CDK14: variants seen among roughly 807,000 people sequenced by gnomAD.
CDK14 encodes cyclin-dependent kinase 14.
CDK14 carries 34 observed loss-of-function variants against 60.7 expected under a neutral mutation model. The observed-to-expected ratio is 0.56, with a 90% CI of 0.43 to 0.75. The LOEUF (loss-of-function observed/expected upper bound fraction) is 0.75, where lower values mean the gene tolerates loss of function less well. CDK14 is among the 30% of genes least tolerant of loss of function. The pLI, the probability that CDK14 is intolerant of heterozygous loss-of-function variation, is 0.00. For missense variants in CDK14, 482 were observed against 564.1 expected (o/e 0.85, Z 1.47); for synonymous variants, 197 against 203.7 (o/e 0.97, Z 0.28).
intron 5 of CDK14, among the ~76,000 whole-genome samples, chr7:90,824,202 G>A (rs1789642559): frequency 6.6e-6 from 1 of 152,148 alleles, no homozygotes; most frequent in African/African-American, 2.4e-5. Context: ...CTGGGCACTT[G>A]ACTTCCTGCT....
intron 4 of CDK14, among the ~76,000 whole-genome samples, chr7:90,751,093 A>G (rs1803825508): frequency 6.6e-6 from 1 of 152,158 alleles, no homozygotes; most frequent in Non-Finnish European, 1.5e-5. Context: ...AAAGGTAAAC[A>G]ACCTGGAAAA....
chr7:90,873,026 GTATA>G (rs1246452207), intron 6 of CDK14, among the ~76,000 whole-genome samples: 1 of 152,100 alleles, frequency 6.6e-6, no homozygotes. Flanking sequence ...GGAAAGAAAA[GTATA>G]TATTTCTCAT....
intron 10 of CDK14, among the ~76,000 whole-genome samples, chr7:91,041,335 GT>G (rs1413710125): frequency 6.6e-6 from 1 of 152,128 alleles, no homozygotes; most frequent in East Asian, 1.9e-4. Flanking sequence ...AGTTCCAAAT[GT>G]TTTTCTCCCT....
At chr7:90,791,241 A>G (rs1182330072) in intron 5 of CDK14, among the ~76,000 whole-genome samples, 1 of 152,158 alleles carries the variant, frequency 6.6e-6, no homozygotes, top group African/African-American at 2.4e-5. Flanking sequence ...ATTAAATCAA[A>G]TAGCTCTATC....
At chr7:90,986,481 A>G (rs868140432) in intron 10 of CDK14, among the ~76,000 whole-genome samples, 7 of 152,172 alleles carry the variant, frequency 4.6e-5, no homozygotes, top group Middle Eastern at 6.8e-3. Context: ...ATAATACAAA[A>G]TTGTACTTTC....
intron 14 of CDK14, among the ~76,000 whole-genome samples, chr7:91,182,081 C>A (rs1186413056): frequency 6.6e-6 from 1 of 152,008 alleles, no homozygotes; most frequent in East Asian, 1.9e-4. Context: ...CCTTTCTGAT[C>A]TTAAAATGAT....
At chr7:91,158,742 C>T (rs868832986) in intron 14 of CDK14, among the ~76,000 whole-genome samples, 6 of 152,224 alleles carry the variant, frequency 3.9e-5, no homozygotes, top group Admixed American at 1.3e-4. Flanking sequence ...CCCTCTACCC[C>T]GTCAGAGGTA....
chr7:90,703,528 T>C (rs1801833868), intron 2 of CDK14, among the ~76,000 whole-genome samples: 1 of 152,210 alleles, frequency 6.6e-6, no homozygotes, highest in African/African-American at 2.4e-5. Flanking sequence ...GTAGAAACCA[T>C]ATGTATGGTT....
chr7:90,669,735 A>T (rs1801060622), intron 2 of CDK14, among the ~76,000 whole-genome samples: 1 of 152,042 alleles, frequency 6.6e-6, no homozygotes, highest in Non-Finnish European at 1.5e-5. Context: ...AATAGTTGTG[A>T]CTGTTATACA....
intron 6 of CDK14, among the ~76,000 whole-genome samples, chr7:90,889,963 A>G (rs907993139): frequency 2.6e-5 from 4 of 152,242 alleles, no homozygotes; most frequent in Admixed American, 6.5e-5. Context: ...TTACTGGTTC[A>G]TGAATGGCTT....
chr7:90,725,804 C>CTGAGATAAAA (rs1802613878), intron 2 of CDK14, among the ~76,000 whole-genome samples: 1 of 151,326 alleles, frequency 6.6e-6, no homozygotes. Flanking sequence ...ATCACAGAGA[C>CTGAGATAAAA]TGAAATAAAA....
chr7:90,803,139 T>A (rs1362154503), intron 5 of CDK14, among the ~76,000 whole-genome samples: 15 of 151,440 alleles, frequency 9.9e-5, no homozygotes. Flanking sequence ...AAGATGTCAG[T>A]ATTTGGGGGT....
At chr7:90,635,769 T>G (rs1011387166) in intron 2 of CDK14, among the ~76,000 whole-genome samples, 22 of 152,268 alleles carry the variant, frequency 1.4e-4, no homozygotes, top group Non-Finnish European at 2.4e-4. Context: ...TCCATGAGCA[T>G]GGAATATTCT....
In CDK14 at chr7:90,694,034, A is replaced by G. The variant is rs540776628; in HGVS notation, c.124-32533A>G. 1.4e-4 allele frequency among the ~76,000 whole-genome samples: 21 copies of G among 152,318 alleles called. No homozygotes were observed. The East Asian group carries it at 4.1e-3, about 29-fold the overall frequency. ...ATGTAATTAAAGGGATGTCCATGAC[A>G]TGTGGATGTTCAAGAGGTGGGAAGG... On this transcript the variant is annotated intron_variant, in intron 2 of 14. Transcript: ENST00000380050.
intron 10 of CDK14, among the ~76,000 whole-genome samples, chr7:91,008,695 T>G (rs1457352888): frequency 6.6e-6 from 1 of 152,172 alleles, no homozygotes; most frequent in African/African-American, 2.4e-5. Flanking sequence ...TTCTGAAATT[T>G]TAAATAACAG....
At chr7:91,173,986 G>T (rs1162616332) in intron 14 of CDK14, among the ~76,000 whole-genome samples, 2 of 152,190 alleles carry the variant, frequency 1.3e-5, no homozygotes, top group Non-Finnish European at 2.9e-5. Flanking sequence ...GCCTCTGTAG[G>T]CTCCACCTCT....
In CDK14 at chr7:91,071,171, TA is replaced by T. The variant is rs546315329; in HGVS notation, c.1106-8257del. Among the ~76,000 whole-genome samples, 591 of 152,322 alleles carry T rather than the reference TA, an allele frequency of 3.9e-3. 2 individuals are homozygous for T. Among genetic ancestry groups the T allele is most frequent in the Non-Finnish European group, 5.6e-3 (384 of 68,026 alleles). On this transcript the variant is annotated intron_variant, in intron 11 of 14. Coordinates refer to ENST00000380050, the MANE Select transcript of CDK14 (RefSeq NM_001287135.2). ...GAGAAAAATGAAGTTATTGTTTGTA[TA>T]AAATCAAGATCAGGGTCTTTTTCTT...
Position 90,948,852 on chromosome 7 carries a change from C to T in CDK14, c.827-6845C>T, listed in dbSNP as rs910707635. 2.6e-5 allele frequency among the ~76,000 whole-genome samples: 4 copies of T among 152,224 alleles called. No homozygotes were observed. In the East Asian group the frequency reaches 7.7e-4, roughly 29 times the overall value. On this transcript the variant is annotated intron_variant, in intron 8 of 14. Coordinates refer to ENST00000380050, the MANE Select transcript of CDK14 (RefSeq NM_001287135.2). ...ACAAACCTAGATAGTGCCAGAACCT[C>T]TACCAGGCATTTAGTTTTGCCATAT...
intron 13 of CDK14, among the ~76,000 whole-genome samples, chr7:91,117,494 A>G (rs983347705): frequency 1.3e-5 from 2 of 152,000 alleles, no homozygotes; most frequent in Non-Finnish European, 2.9e-5. Flanking sequence ...CTCTTACCTC[A>G]TTTGATTCTC....
Sources: allele counts gnomAD v4.1 joint callset (sites outside exome capture counted in the v4.1 genomes callset), GRCh38; gene constraint gnomAD v4.1.1; transcripts MANE v1.5; gene names NCBI Gene and HGNC (gene_info 2026-07-23, HGNC 2026-07-21).